The following SYPL2 variants were observed in gnomAD, a reference collection of about 807,000 sequenced individuals.
SYPL2 encodes the protein synaptophysin-like protein 2.
In SYPL2, 24 loss-of-function variants were observed where a neutral mutation model predicts 31.3. The observed-to-expected ratio is 0.77, with a 90% CI of 0.56 to 1.08. The LOEUF (loss-of-function observed/expected upper bound fraction) is 1.08. Among genes scored for constraint, SYPL2 ranks in the 50% least tolerant of loss-of-function variants. The pLI is 0.00. For synonymous variants in SYPL2, 144 were observed against 143.1 expected (o/e 1.01, Z -0.05); for missense variants, 342 against 360.1 (o/e 0.95, Z 0.41).
At chr1:109,477,778 GC>G in intron 4 of SYPL2, 39 bp from the exon 5 acceptor site, 5 of 1,553,908 alleles carry the variant, frequency 3.2e-6, no homozygotes, top group Non-Finnish European at 4.4e-6. Flanking sequence ...GAATCATGGG[GC>G]CTTTCTGAGT....
intron 2 of SYPL2, among the ~76,000 whole-genome samples, chr1:109,470,516 C>T (rs1016532054): frequency 4.6e-5 from 7 of 152,282 alleles, no homozygotes; most frequent in Admixed American, 3.3e-4. Flanking sequence ...AGAAAATGAC[C>T]GTCGCTGTCC....
chr1:109,467,058 G>C lies in SYPL2; in HGVS notation c.55-1G>C. On this transcript the variant is annotated splice_acceptor_variant, in intron 1 of 5. Coordinates refer to ENST00000369872, the MANE Select transcript of SYPL2 (RefSeq NM_001040709.2). LOFTEE classifies it high-confidence loss of function. ...CCCCCCGGCCGGCTGTGTCTCCGCA[G>C]GTGGACCGCCTACTCGTGGGGCTGC... 4 of 1,544,896 alleles carry C rather than the reference G, an allele frequency of 2.6e-6. No homozygotes were observed. Among genetic ancestry groups the C allele is most frequent in the Non-Finnish European group, 3.5e-6 (4 of 1,145,910 alleles).
rs751374464 is a variant in SYPL2 at position 109,477,928 on chromosome 1, A to G, written c.567A>G (p.Ala189=). ...KGATRPSSLT[A]AMSVCHGEEA... ...CCACACGACCATCCAGCTTGACAGCAGCCATGTCAGTGTGCCATGGAGAGG... is the reference window on the plus strand; with the variant it reads ...CCACACGACCATCCAGCTTGACAGCGGCCATGTCAGTGTGCCATGGAGAGG... Residue 189 remains alanine, a synonymous_variant, in exon 5 of 6, where the codon GCA becomes GCG. Transcript: ENST00000369872. 1 of 1,614,218 alleles carries G rather than the reference A, an allele frequency of 6.2e-7. No homozygotes were observed. Among genetic ancestry groups the G allele is most frequent in the East Asian group, 2.2e-5 (1 of 44,876 alleles).
chr1:109,476,350 A>T (rs1655997765), intron 3 of SYPL2, among the ~76,000 whole-genome samples: 1 of 152,232 alleles, frequency 6.6e-6, no homozygotes, highest in Non-Finnish European at 1.5e-5. Flanking sequence ...CTCATTGGAA[A>T]GCCCAATAAA....
In SYPL2 at chr1:109,479,615, C is replaced by T. The variant is rs753564609; in HGVS notation, c.*67C>T. 1.2e-5 allele frequency: 18 copies of T among 1,555,304 alleles called. No individual in the cohort carries two copies. The highest frequency in any genetic ancestry group is 1.5e-5 in the Non-Finnish European group (17 of 1,147,540). On this transcript the variant is annotated 3_prime_UTR_variant, in exon 6 of 6. Coordinates refer to ENST00000369872, the MANE Select transcript of SYPL2 (RefSeq NM_001040709.2). ...TTCAACCACCTCCGGCTTCCAGGAC[C>T]TTTCTCTTCCTCCTCCTCCAATTCC...
At chr1:109,474,295 CCTTTTCTTTTTT>C (rs1418953538) in intron 2 of SYPL2, among the ~76,000 whole-genome samples, 1 of 151,398 alleles carries the variant, frequency 6.6e-6, no homozygotes, top group Admixed American at 6.6e-5. Flanking sequence ...TTTCTCACCT[CCTTTTCTTTTTT>C]CTTTTCTTTT....
rs965017973 is a variant in SYPL2 at position 109,482,039 on chromosome 1, T to C, written c.*2491T>C. 1.3e-5 allele frequency: 2 copies of C among 152,676 alleles called. No homozygotes were observed. Among genetic ancestry groups the C allele is most frequent in the Non-Finnish European group, 2.9e-5 (2 of 68,080 alleles). The allele number at this position is 152,676 out of a possible 1,614,324, so 9.5% of individuals were successfully genotyped here. A position where few individuals can be genotyped will look rare whatever the true frequency, so the allele number is the denominator to read the frequency against. ...AGTCATGAGCCTCCTACTTCTGGGA[T>C]TGCAGATCAGGGGTGGGGGGAGAAT... On this transcript the variant is annotated 3_prime_UTR_variant, in exon 6 of 6. Transcript: ENST00000369872.
rs370127089 is a variant in SYPL2, at chr1:109,476,802, C to T, written c.281C>T (p.Pro94Leu). 3.5e-5 allele frequency: 57 copies of T among 1,614,034 alleles called. No individual in the cohort carries two copies. The highest frequency in any genetic ancestry group is 4.7e-5 in the Non-Finnish European group (55 of 1,180,042). Residue 94 changes from proline to leucine, a missense_variant, in exon 4 of 6, where the codon CCC (proline) becomes CTC (leucine). Pro to Leu is a moderately conservative substitution (Grantham distance 98). Coordinates refer to ENST00000369872, the MANE Select transcript of SYPL2 (RefSeq NM_001040709.2). ...FRLHRIQYEM[P>L]LCDEESSSKT... ...TTGCACCGGATCCAATATGAGATGCCCCTCTGCGATGAAGAGTCCAGCTCC... is the reference window on the plus strand; with the variant it reads ...TTGCACCGGATCCAATATGAGATGCTCCTCTGCGATGAAGAGTCCAGCTCC...
intron 3 of SYPL2, 101 bp from the exon 4 acceptor site, chr1:109,476,675 C>A: frequency 8.1e-7 from 1 of 1,238,700 alleles, no homozygotes; most frequent in Non-Finnish European, 1.1e-6. Context: ...CCTTTCTTGG[C>A]TCTGTAAGAG....
Position 109,479,691 on chromosome 1 carries a change from G to A in SYPL2, c.*143G>A. On this transcript the variant is annotated 3_prime_UTR_variant, in exon 6 of 6. Transcript: ENST00000369872. ...GCTTTGAGACGATGGGCAGGCATCA[G>A]CTGTTGGAAACCTGGGCAGCCCTCT... The A allele has an allele frequency of 7.4e-7, 1 of 1,351,520 alleles. No individual in the cohort carries two copies. The highest frequency in any genetic ancestry group is 1.0e-6 in the Non-Finnish European group (1 of 1,003,616). The allele number at this position is 1,351,520 out of a possible 1,614,324, so 83.7% of individuals were successfully genotyped here. A position where few individuals can be genotyped will look rare whatever the true frequency, so the allele number is the denominator to read the frequency against.
At chr1:109,473,752 G>T (rs1655905149) in intron 2 of SYPL2, among the ~76,000 whole-genome samples, 1 of 152,062 alleles carries the variant, frequency 6.6e-6, no homozygotes, top group Non-Finnish European at 1.5e-5. Flanking sequence ...AAAATTAGCT[G>T]GGCATGGTGG....
rs1000404662 is a variant in SYPL2 at position 109,477,947 on chromosome 1, G to T, written c.586G>T (p.Gly196Ter). The T allele has an allele frequency of 6.2e-7, 1 of 1,614,224 alleles. No homozygotes were observed. The highest frequency in any genetic ancestry group is 8.5e-7 in the Non-Finnish European group (1 of 1,180,036). The change falls in exon 5 of 6, where the codon GGA (glycine) becomes TGA (stop). Residue 196 changes from glycine (G) to a stop codon, truncating the protein, a stop_gained. Coordinates refer to ENST00000369872, the MANE Select transcript of SYPL2 (RefSeq NM_001040709.2). LOFTEE classifies it high-confidence loss of function. The stretch of plus-strand genomic sequence containing the variant: ...GACAGCAGCCATGTCAGTGTGCCAT[G>T]GAGAGGAAGCAGTGTGCAGTGCCGG... ...SLTAAMSVCHGEEAVCSAGAT... is the reference protein window; with the variant it reads ...SLTAAMSVCH
Position 109,478,027 on chromosome 1 carries a change from T to C in SYPL2, c.648+18T>C. 6.2e-7 allele frequency: 1 copy of C among 1,613,310 alleles called. No individual in the cohort carries two copies. The highest frequency in any genetic ancestry group is 8.5e-7 in the Non-Finnish European group (1 of 1,179,848). On this transcript the variant is annotated intron_variant, in intron 5 of 5. Coordinates refer to ENST00000369872, the MANE Select transcript of SYPL2 (RefSeq NM_001040709.2). The surrounding 1 kb of genome is among the most constrained non-coding windows in gnomAD (Gnocchi z 4.0). Reference sequence around the variant, plus strand: ...TCTCCGTGGTGAGACCTGTGGCCACTGCAGGAAGCAGCACCAGCCCTGCTG... The same window carrying C: ...TCTCCGTGGTGAGACCTGTGGCCACCGCAGGAAGCAGCACCAGCCCTGCTG...
rs1166278356 is a variant in SYPL2, at chr1:109,466,660, C to A, written c.-184C>A. 3.9e-6 allele frequency: 2 copies of A among 513,822 alleles called. No homozygotes were observed. The highest frequency in any genetic ancestry group is 6.2e-6 in the Non-Finnish European group (2 of 322,664). 31.8% of individuals were successfully genotyped at this position (513,822 alleles called of 1,614,324 possible). A position where few individuals can be genotyped will look rare whatever the true frequency, so the allele number is the denominator to read the frequency against. ...CAGCCTCTGAGAGCACGAACAGCAG[C>A]GCCCCCGCGTCCCAGCCAGCCAGCC... is the stretch of plus-strand genomic sequence containing the variant. On this transcript the variant is annotated 5_prime_UTR_variant, in exon 1 of 6. Transcript: ENST00000369872.
In SYPL2 at chr1:109,467,042, C is replaced by T. The variant is rs766255468; in HGVS notation, c.55-17C>T. 9.7e-6 allele frequency: 15 copies of T among 1,543,478 alleles called. No individual in the cohort carries two copies. The highest frequency in any genetic ancestry group is 3.9e-5 in the Admixed American group (2 of 50,926). ...TTCCCCACCGCCCTGACCCCCCGGC[C>T]GGCTGTGTCTCCGCAGGTGGACCGC... On this transcript the variant is annotated splice_polypyrimidine_tract_variant and intron_variant, in intron 1 of 5. Transcript: ENST00000369872.
intron 5 of SYPL2, 85 bp from the exon 6 acceptor site, chr1:109,479,293 A>T: frequency 6.7e-7 from 1 of 1,494,002 alleles, no homozygotes; most frequent in South Asian, 1.2e-5. Flanking sequence ...ACAAGCCCCA[A>T]CCCCAACTGC....
intron 2 of SYPL2, among the ~76,000 whole-genome samples, chr1:109,474,588 G>T (rs1217975119): frequency 6.6e-6 from 1 of 151,880 alleles, no homozygotes; most frequent in South Asian, 2.1e-4. Context: ...TGATCCACCC[G>T]CCTCAGCCTC....
chr1:109,477,080 C>G (rs557585003), intron 4 of SYPL2, 103 bp downstream of exon 4: 2 of 1,373,846 alleles, frequency 1.5e-6, no homozygotes, highest in African/African-American at 1.4e-5. Flanking sequence ...GCTTCCACCC[C>G]CATGGTGGAA....
chr1:109,477,750 A>G (rs1477937922), intron 4 of SYPL2, 68 bp from the exon 5 acceptor site: 1 of 1,538,226 alleles, frequency 6.5e-7, no homozygotes, highest in African/African-American at 1.4e-5. Flanking sequence ...TATCATGGCA[A>G]GTGGAAAAGA....
Sources: gnomAD v4.1 joint callset for allele counts (sites outside exome capture counted in the v4.1 genomes callset) on GRCh38, gnomAD v4.1.1 for gene constraint, Gnocchi (gnomAD v3.1) non-coding constraint, MANE v1.5 for transcripts, NCBI Gene and HGNC (gene_info 2026-07-23, HGNC 2026-07-21) for gene names.